The following PSG3 variants were observed in gnomAD, a reference collection of about 807,000 sequenced individuals.
PSG3 encodes pregnancy specific beta-1-glycoprotein 3, also known as pregnancy-specific beta-1-glycoprotein 3.
Under a neutral mutation model 47.5 loss-of-function variants are expected in PSG3, and 61 were observed. The observed-to-expected ratio is 1.28, with a 90% CI of 1.05 to 1.59. The LOEUF (loss-of-function observed/expected upper bound fraction) is 1.59, where lower values mean the gene tolerates loss of function less well. Among genes scored for constraint, PSG3 ranks in the 40% most tolerant of loss-of-function variants. The pLI is 0.00. For synonymous variants in PSG3, 263 were observed against 198.4 expected (o/e 1.33, Z -2.74); for missense variants, 756 against 524.0 (o/e 1.44, Z -4.32).
intron 2 of PSG3, among the ~76,000 whole-genome samples, chr19:42,734,706 C>T (rs1220643059): frequency 6.6e-6 from 1 of 152,140 alleles, no homozygotes; most frequent in Non-Finnish European, 1.5e-5. Context: ...ATTAGCAACT[C>T]CTTAAGTAGA....
intron 3 of PSG3, among the ~76,000 whole-genome samples, chr19:42,730,884 T>G (rs1265902218): frequency 2.0e-5 from 3 of 152,226 alleles, no homozygotes; most frequent in Non-Finnish European, 2.9e-5. Context: ...AATGCAGCAC[T>G]GACTGGTGGA....
chr19:42,734,054 C>G (rs534302121), intron 2 of PSG3: 1 of 152,286 alleles, frequency 6.6e-6, no homozygotes, highest in Admixed American at 6.5e-5. Context: ...TACCTGATAT[C>G]AGTGGATTCC....
chr19:42,730,205 A>C, intron 3 of PSG3, 149 bp from the exon 4 acceptor site: 2 of 1,441,880 alleles, frequency 1.4e-6, no homozygotes, highest in Non-Finnish European at 1.9e-6. Flanking sequence ...AGACAGATGC[A>C]TGATGATCTA....
chr19:42,738,871 A>G lies in PSG3; in HGVS notation c.283T>C (p.Tyr95His), dbSNP rs1280689018. The change falls in exon 2 of 7, where the codon TAC becomes CAC. Residue 95 changes from tyrosine (Y) to histidine (H), a missense_variant. By Grantham distance (83) the Tyr-to-His change is moderately conservative. Coordinates refer to ENST00000327495, the MANE Select transcript of PSG3 (RefSeq NM_021016.4). ...GAATATACTGTTTCTCGTCCACTGT[A>G]TGCAGGCCCATATATAATTATTTGA... ...DGQIIIYGPA[Y>H]SGRETVYSNA... 6.2e-7 allele frequency: 1 copy of G among 1,614,118 alleles called. No homozygotes were observed. The highest frequency in any genetic ancestry group is 8.5e-7 in the Non-Finnish European group (1 of 1,179,996).
At position 42,738,853 on chromosome 19, in the gene PSG3, CTG is replaced by C; in HGVS notation, c.299_300del (p.Thr100SerfsTer29). ...ATCAGCAGGGATGCATTGGAATATA[CTG>C]TTTCTCGTCCACTGTATGCAGGCCC... ...IYGPAYSGRE[T>X]VYSNASLLIQ... On this transcript the variant is annotated frameshift_variant, in exon 2 of 7. Transcript: ENST00000327495. LOFTEE classifies it high-confidence loss of function. The C allele has an allele frequency of 6.2e-7, 1 of 1,614,138 alleles. No homozygotes were observed. Among genetic ancestry groups the C allele is most frequent in the African/African-American group, 1.3e-5 (1 of 75,038 alleles).
At chr19:42,728,728 A>G (rs1969414725) in intron 5 of PSG3, among the ~76,000 whole-genome samples, 1 of 152,200 alleles carries the variant, frequency 6.6e-6, no homozygotes, top group Non-Finnish European at 1.5e-5. Context: ...AGCTTGTTTC[A>G]AAGCCTCGGA....
In PSG3 at chr19:42,735,697, G is replaced by T. The variant is rs56808490; in HGVS notation, c.431-2635C>A. On this transcript the variant is annotated intron_variant, in intron 2 of 6. Coordinates refer to ENST00000327495, the MANE Select transcript of PSG3 (RefSeq NM_021016.4). ...ATTTTAATGAGTTGTTGACTTTTGA[G>T]TTTGTTCAGCTTTTTACTTAGTGTT... Among the ~76,000 whole-genome samples, 17 of 152,326 alleles carry T rather than the reference G, an allele frequency of 1.1e-4. No individual in the cohort carries two copies. In the East Asian group the frequency reaches 3.3e-3, roughly 29 times the overall value.
chr19:42,736,687 A>T (rs1311125619), intron 2 of PSG3, among the ~76,000 whole-genome samples: 1 of 148,944 alleles, frequency 6.7e-6, no homozygotes, highest in African/African-American at 2.5e-5. Context: ...CTTGTCTGGC[A>T]ATTATAAGAG....
Position 42,738,706 on chromosome 19 carries a change from T to A in PSG3, c.430+18A>T. The stretch of plus-strand genomic sequence containing the variant: ...GACCCCATCCCCCAACACCCAGTGA[T>A]CACGTGGAGTCACTCACGGTATAAG... On this transcript the variant is annotated intron_variant, in intron 2 of 6. Coordinates refer to ENST00000327495, the MANE Select transcript of PSG3 (RefSeq NM_021016.4). 1 of 1,613,072 alleles carries A rather than the reference T, an allele frequency of 6.2e-7. No individual in the cohort carries two copies. Among genetic ancestry groups the A allele is most frequent in the Non-Finnish European group, 8.5e-7 (1 of 1,179,462 alleles).
At chr19:42,724,066 T>G (rs1218419914) in intron 5 of PSG3, 41 bp from the exon 6 acceptor site, 1 of 1,575,284 alleles carries the variant, frequency 6.3e-7, no homozygotes, top group Non-Finnish European at 8.7e-7. Flanking sequence ...GAAGATGATG[T>G]TATTTTACAT....
chr19:42,735,071 C>T lies in PSG3; in HGVS notation c.431-2009G>A, dbSNP rs530818120. Among the ~76,000 whole-genome samples, 31 of 152,344 alleles carry T rather than the reference C, an allele frequency of 2.0e-4. No homozygotes were observed. In the South Asian group the frequency reaches 6.4e-3, roughly 32 times the overall value. The stretch of plus-strand genomic sequence containing the variant: ...TATGTGGCACAGGCAGTAAAGCCAT[C>T]AGATAGCACCCACCTGGCCACCTCC... On this transcript the variant is annotated intron_variant, in intron 2 of 6. Transcript: ENST00000327495.
In PSG3 at chr19:42,721,694, G is replaced by A. The variant is rs1969302366; in HGVS notation, c.*437C>T. ...ATAAACATATGAATACTCCTGAATAGTTTCCCAATTCTGGGGCACTTAGGG... is the reference window on the plus strand; with the variant it reads ...ATAAACATATGAATACTCCTGAATAATTTCCCAATTCTGGGGCACTTAGGG... On this transcript the variant is annotated 3_prime_UTR_variant, in exon 7 of 7. Coordinates refer to ENST00000327495, the MANE Select transcript of PSG3 (RefSeq NM_021016.4). 3 of 345,302 alleles carry A rather than the reference G, an allele frequency of 8.7e-6. No homozygotes were observed. The highest frequency in any genetic ancestry group is 1.0e-5 in the Non-Finnish European group (2 of 192,646). 21.4% of individuals were successfully genotyped at this position (345,302 alleles called of 1,614,324 possible). A position where few individuals can be genotyped will look rare whatever the true frequency, so the allele number is the denominator to read the frequency against.
At chr19:42,740,205 G>A in intron 1 of PSG3, 116 bp downstream of exon 1, 2 of 1,594,058 alleles carry the variant, frequency 1.3e-6, no homozygotes, top group South Asian at 1.1e-5. Flanking sequence ...ACCCTCCTCA[G>A]CCTCCCTAAG....
chr19:42,729,112 G>A lies in PSG3; in HGVS notation c.1243+11C>T. 3 of 1,613,962 alleles carry A rather than the reference G, an allele frequency of 1.9e-6. No individual in the cohort carries two copies. Among genetic ancestry groups the A allele is most frequent in the Non-Finnish European group, 2.5e-6 (3 of 1,179,852 alleles). ...AAAACTCTATTGCCAAGCATGCTGG[G>A]ATCCACTTACCAGAGACTTTGACTG... On this transcript the variant is annotated intron_variant, in intron 5 of 6. Transcript: ENST00000327495.
chr19:42,728,780 C>T (rs1442741329), intron 5 of PSG3, among the ~76,000 whole-genome samples: 4 of 152,186 alleles, frequency 2.6e-5, no homozygotes, highest in South Asian at 2.1e-4. Context: ...AAAACAAAGA[C>T]GTGGCAGAAG....
chr19:42,736,612 TTGTGTGTGTGTGTGTG>T (rs61479007), intron 2 of PSG3, among the ~76,000 whole-genome samples: 19 of 138,742 alleles, frequency 1.4e-4, no homozygotes, highest in South Asian at 7.4e-4. Context: ...TTCAATACAT[TTGTGTGTGTGTGTGTG>T]TGTGTGTGTG....
rs1438226032 is a variant in PSG3, at chr19:42,739,361, C to T, written c.65-272G>A. On this transcript the variant is annotated intron_variant, in intron 1 of 6. Coordinates refer to ENST00000327495, the MANE Select transcript of PSG3 (RefSeq NM_021016.4). ...TTTGGAATCCTCTTCCCCAGGGGTC[C>T]GCACGGCCCCCTCCACACTGCCCTC... is the stretch of plus-strand genomic sequence containing the variant. 2.3e-5 allele frequency: 11 copies of T among 481,088 alleles called. No homozygotes were observed. The East Asian group carries it at 2.7e-4, about 12-fold the overall frequency. 29.8% of individuals were successfully genotyped at this position (481,088 alleles called of 1,614,324 possible).
rs118018571 is a variant in PSG3 at position 42,732,887 on chromosome 19, G to T, written c.606C>A (p.Leu202=). 1 of 1,614,168 alleles carries T rather than the reference G, an allele frequency of 6.2e-7. No homozygotes were observed. The highest frequency in any genetic ancestry group is 1.3e-5 in the African/African-American group (1 of 75,038). The change falls in exon 3 of 7, where the codon CTC becomes CTA. Residue 202 remains leucine, a synonymous_variant. Transcript: ENST00000327495. ...SLQLSKNKRT[L]FLFGVTKYTA... ...TGTACTTTGTGACACCAAATAGAAAGAGGGTCCTTTTGTTTTTGGACAACT... is the reference window on the plus strand; with the variant it reads ...TGTACTTTGTGACACCAAATAGAAATAGGGTCCTTTTGTTTTTGGACAACT...
intron 2 of PSG3, 35 bp downstream of exon 2, chr19:42,738,688 TC>T (rs1478883447): frequency 2.5e-6 from 4 of 1,612,128 alleles, no homozygotes; most frequent in Non-Finnish European, 3.4e-6. Context: ...AAAGACCCCA[TC>T]CCCCAACACC....
Sources: gnomAD v4.1 joint callset for allele counts (sites outside exome capture counted in the v4.1 genomes callset) on GRCh38, gnomAD v4.1.1 for gene constraint, MANE v1.5 for transcripts, NCBI Gene and HGNC (gene_info 2026-07-23, HGNC 2026-07-21) for gene names.